Variants in PRR16 observed in about 807,000 individuals in gnomAD.
PRR16 encodes the protein protein Largen.
In PRR16, 6 loss-of-function variants were observed where a neutral mutation model predicts 18.2. The observed-to-expected ratio is 0.33, with a 90% CI of 0.18 to 0.65. The LOEUF is 0.65. Ranked by LOEUF, PRR16 falls within the 30% of genes least tolerant of loss-of-function variation. The pLI is 0.74. For missense variants in PRR16, 412 were observed against 376.6 expected (o/e 1.09, Z -0.78); for synonymous variants, 151 against 147.8 (o/e 1.02, Z -0.16).
At chr5:120,595,316 T>C (rs1294299357) in intron 1 of PRR16, among the ~76,000 whole-genome samples, 1 of 151,856 alleles carries the variant, frequency 6.6e-6, no homozygotes, top group Non-Finnish European at 1.5e-5. Context: ...AGAAGACATA[T>C]ATGCAGTCAA....
intron 1 of PRR16, among the ~76,000 whole-genome samples, chr5:120,552,785 T>A (rs180904338): frequency 9.1e-4 from 138 of 152,056 alleles, no homozygotes; most frequent in African/African-American, 3.0e-3. Context: ...TTTGAGAACA[T>A]CATGACTGTT....
chr5:120,662,501 A>C (rs1040651035), intron 1 of PRR16, among the ~76,000 whole-genome samples: 38 of 151,972 alleles, frequency 2.5e-4, no homozygotes, highest in African/African-American at 8.2e-4. Context: ...TGTATATCTT[A>C]TGTATTTTTG....
At chr5:120,486,808 C>T (rs28785798) in intron 1 of PRR16, among the ~76,000 whole-genome samples, 10,546 of 151,538 alleles carry the variant, frequency 0.07, 825 homozygotes, top group African/African-American at 0.2. Context: ...TAATCCATCT[C>T]GAATTAATTT....
chr5:120,673,146 A>G (rs917705394), intron 1 of PRR16, among the ~76,000 whole-genome samples: 2 of 152,274 alleles, frequency 1.3e-5, no homozygotes, highest in African/African-American at 4.8e-5. Context: ...CTTATAGACA[A>G]GTAAATGTGA....
chr5:120,507,713 C>A (rs1014950479), intron 1 of PRR16, among the ~76,000 whole-genome samples: 7 of 151,870 alleles, frequency 4.6e-5, no homozygotes, highest in Non-Finnish European at 1.0e-4. Flanking sequence ...CCAACAACTG[C>A]TAAGGAAAAG....
At chr5:120,513,839 A>G (rs1045689164) in intron 1 of PRR16, among the ~76,000 whole-genome samples, 1 of 151,170 alleles carries the variant, frequency 6.6e-6, no homozygotes, top group African/African-American at 2.4e-5. Context: ...GCTCATTGCA[A>G]CCTCCGCCTC....
intron 1 of PRR16, among the ~76,000 whole-genome samples, chr5:120,490,691 G>A (rs1385850796): frequency 6.6e-6 from 1 of 152,222 alleles, no homozygotes; most frequent in Non-Finnish European, 1.5e-5. Flanking sequence ...TCCGTTGCTG[G>A]TGAGGAACTG....
At chr5:120,791,562 G>A in the PRR16 span, among the ~76,000 whole-genome samples, 238 of 149,536 alleles carry the variant, frequency 1.6e-3, 3 homozygotes, top group African/African-American at 5.4e-3. Context: ...TTGTTATCCA[G>A]AAGTCTGCTA....
the PRR16 span, among the ~76,000 whole-genome samples, chr5:120,715,336 G>C: frequency 6.6e-6 from 1 of 152,118 alleles, no homozygotes; most frequent in African/African-American, 2.4e-5. Context: ...GTCCATGGAA[G>C]CTTTTATGAT....
chr5:120,525,871 A>T (rs1282232315), intron 1 of PRR16, among the ~76,000 whole-genome samples: 1 of 152,188 alleles, frequency 6.6e-6, no homozygotes, highest in African/African-American at 2.4e-5. Context: ...CAAATTGATT[A>T]TGATTATTAG....
chr5:120,567,491 G>A (rs561231874), intron 1 of PRR16, among the ~76,000 whole-genome samples: 1 of 152,190 alleles, frequency 6.6e-6, no homozygotes, highest in Non-Finnish European at 1.5e-5. Flanking sequence ...GTCTTCTGAG[G>A]GTCAGCCCTG....
intron 1 of PRR16, among the ~76,000 whole-genome samples, chr5:120,488,309 A>G (rs1329498224): frequency 6.6e-6 from 1 of 152,166 alleles, no homozygotes; most frequent in Non-Finnish European, 1.5e-5. Flanking sequence ...GCTATTAATT[A>G]TTATCTCAAT....
At chr5:120,651,281 C>T (rs1755779220) in intron 1 of PRR16, among the ~76,000 whole-genome samples, 1 of 152,120 alleles carries the variant, frequency 6.6e-6, no homozygotes, top group Non-Finnish European at 1.5e-5. Flanking sequence ...TGTAGGTTGC[C>T]TGTTCACTCT....
chr5:120,487,103 T>C (rs1427673941), intron 1 of PRR16, among the ~76,000 whole-genome samples: 1 of 152,244 alleles, frequency 6.6e-6, no homozygotes, highest in African/African-American at 2.4e-5. Flanking sequence ...TTTGTTCTTT[T>C]GGCTTAGGAT....
At chr5:120,483,550 C>T (rs1329655049) in intron 1 of PRR16, among the ~76,000 whole-genome samples, 2 of 152,050 alleles carry the variant, frequency 1.3e-5, no homozygotes, top group Non-Finnish European at 2.9e-5. Flanking sequence ...TTCTGATTTT[C>T]GGAGACCATA....
At chr5:120,519,066 C>T (rs1047891363) in intron 1 of PRR16, among the ~76,000 whole-genome samples, 13 of 152,002 alleles carry the variant, frequency 8.6e-5, no homozygotes, top group African/African-American at 3.1e-4. Context: ...CCATTCTTCC[C>T]ATTCCTAATT....
the PRR16 span, among the ~76,000 whole-genome samples, chr5:120,695,496 T>C: frequency 1.3e-5 from 2 of 152,172 alleles, no homozygotes; most frequent in Admixed American, 1.3e-4. Context: ...TCAGATGGGC[T>C]TTTATCATCT....
At chr5:120,521,333 C>T (rs1751172441) in intron 1 of PRR16, among the ~76,000 whole-genome samples, 1 of 151,952 alleles carries the variant, frequency 6.6e-6, no homozygotes. Flanking sequence ...TTTAGTAGCA[C>T]CATTTTTTAA....
At chr5:120,719,356 A>T in the PRR16 span, among the ~76,000 whole-genome samples, 2 of 152,042 alleles carry the variant, frequency 1.3e-5, no homozygotes, top group Non-Finnish European at 2.9e-5. Flanking sequence ...AATTGTAGAA[A>T]ATATTTTACT....
Sources: gnomAD v4.1 joint callset for allele counts (sites outside exome capture counted in the v4.1 genomes callset) on GRCh38, gnomAD v4.1.1 for gene constraint, MANE v1.5 for transcripts, NCBI Gene and HGNC (gene_info 2026-07-23, HGNC 2026-07-21) for gene names.